Variants in RBFOX3 observed in about 807,000 individuals in gnomAD.
RBFOX3 encodes RNA binding fox-1 homolog 3, also known as RNA binding protein fox-1 homolog 3.
RBFOX3 carries 17 observed loss-of-function variants against 48.7 expected under a neutral mutation model. The observed-to-expected ratio is 0.35, with a 90% confidence interval of 0.24 to 0.52. RBFOX3 has a LOEUF of 0.52. Among genes scored for constraint, RBFOX3 ranks in the 20% least tolerant of loss-of-function variants. The pLI, the probability that RBFOX3 is intolerant of heterozygous loss-of-function variation, is 0.94. For missense variants in RBFOX3, 382 were observed against 497.5 expected, an observed-to-expected ratio of 0.77 and a Z score of 2.21; for synonymous variants, 212 against 209.5, an observed-to-expected ratio of 1.01 and a Z score of -0.10.
At chr17:79,414,020 G>A (rs1446419520) in intron 2 of RBFOX3, among the ~76,000 whole-genome samples, 2 of 152,094 alleles carry the variant, frequency 1.3e-5, no homozygotes, top group South Asian at 2.1e-4. Context: ...CCAGGCAGAG[G>A]GGACCCAGCT....
intron 4 of RBFOX3, among the ~76,000 whole-genome samples, chr17:79,190,440 C>CTATAACAAAA (rs1024817953): frequency 7.8e-6 from 1 of 128,136 alleles, no homozygotes; most frequent in Non-Finnish European, 1.7e-5. Flanking sequence ...AACAAAAAAA[C>CTATAACAAAA]AGAGTGAAGA....
At chr17:79,653,956 T>G in the RBFOX3 span, among the ~76,000 whole-genome samples, 1 of 151,884 alleles carries the variant, frequency 6.6e-6, no homozygotes, top group East Asian at 1.9e-4. Flanking sequence ...GCACCTGTAC[T>G]GGAAAGTCTC....
rs74002523 is a variant in RBFOX3, at chr17:79,455,579, G to A, written c.-175+26875C>T. Among the ~76,000 whole-genome samples, 1,429 of 152,208 alleles carry A rather than the reference G, an allele frequency of 9.4e-3. 21 individuals are homozygous for A. Among genetic ancestry groups the A allele is most frequent in the African/African-American group, 0.033 (1,362 of 41,510 alleles). ...AAAGGGGGAGGCCAGGCACACGGGTGTGTGCACACACACACACGCACGCAG... is the reference window on the plus strand; with the variant it reads ...AAAGGGGGAGGCCAGGCACACGGGTATGTGCACACACACACACGCACGCAG... On this transcript the variant is annotated intron_variant, in intron 2 of 14. Coordinates refer to ENST00000693108, the MANE Select transcript of RBFOX3 (RefSeq NM_001350451.2).
intron 4 of RBFOX3, among the ~76,000 whole-genome samples, chr17:79,187,643 T>A (rs1292379301): frequency 2.0e-5 from 3 of 151,892 alleles, no homozygotes; most frequent in Non-Finnish European, 2.9e-5. Flanking sequence ...GTGTGTGTGA[T>A]GGGGTGTGGG....
intron 1 of RBFOX3, among the ~76,000 whole-genome samples, chr17:79,546,530 ACGGC>A (rs1555791958): frequency 7.0e-6 from 1 of 142,324 alleles, no homozygotes; most frequent in East Asian, 1.9e-4. Flanking sequence ...CATCCATCTG[ACGGC>A]TTCCCAATGG....
chr17:79,152,167 G>A (rs2044672799), intron 4 of RBFOX3, among the ~76,000 whole-genome samples: 3 of 152,044 alleles, frequency 2.0e-5, no homozygotes, highest in Admixed American at 2.0e-4. Flanking sequence ...CCCAGGAGAG[G>A]GGCCAGGGTT....
At chr17:79,247,869 C>A (rs2063388214) in intron 3 of RBFOX3, among the ~76,000 whole-genome samples, 1 of 152,220 alleles carries the variant, frequency 6.6e-6, no homozygotes, top group Non-Finnish European at 1.5e-5. Flanking sequence ...TCAGTTTACT[C>A]CCCTGTAAAA....
At chr17:79,570,833 G>A (rs2092650784) in intron 1 of RBFOX3, among the ~76,000 whole-genome samples, 1 of 152,192 alleles carries the variant, frequency 6.6e-6, no homozygotes, top group African/African-American at 2.4e-5. Flanking sequence ...GAGTGGGCCT[G>A]TGGGCCGGGC....
chr17:79,329,274 T>C (rs1376988534), intron 2 of RBFOX3, among the ~76,000 whole-genome samples: 1 of 152,160 alleles, frequency 6.6e-6, no homozygotes, highest in Non-Finnish European at 1.5e-5. Context: ...CACGCCATTA[T>C]TACCATCATC....
At chr17:79,567,688 G>C (rs1161980096) in intron 1 of RBFOX3, among the ~76,000 whole-genome samples, 1 of 152,108 alleles carries the variant, frequency 6.6e-6, no homozygotes, top group Admixed American at 6.5e-5. Context: ...AATAAACTAG[G>C]TGACTCCTTG....
chr17:79,397,046 G>A (rs761196577), intron 2 of RBFOX3, among the ~76,000 whole-genome samples: 7 of 152,176 alleles, frequency 4.6e-5, no homozygotes, highest in Non-Finnish European at 8.8e-5. Flanking sequence ...TGTCTCAAGG[G>A]GTGGATTTGG....
At chr17:79,216,560 C>T (rs2059079768) in intron 4 of RBFOX3, among the ~76,000 whole-genome samples, 1 of 152,092 alleles carries the variant, frequency 6.6e-6, no homozygotes, top group South Asian at 2.1e-4. Context: ...CAGTCTCCTG[C>T]AGGAAGGAAG....
chr17:79,538,594 C>T (rs76293920), intron 1 of RBFOX3, among the ~76,000 whole-genome samples: 74 of 152,340 alleles, frequency 4.9e-4, no homozygotes, highest in East Asian at 2.5e-3. Context: ...GAATCATCCT[C>T]GCCAGCCCCT....
At position 79,443,185 on chromosome 17, in the gene RBFOX3, C is replaced by T. The variant is rs924470227; in HGVS notation, c.-175+39269G>A. Among the ~76,000 whole-genome samples, 16 of 152,216 alleles carry T rather than the reference C, an allele frequency of 1.1e-4. No homozygotes were observed. Among genetic ancestry groups the T allele is most frequent in the East Asian group, 5.8e-4 (3 of 5,192 alleles). ...GGGAACCCGAGGAAGTCAGATCAGC[C>T]GAAGGGGCCCAGCGTCCAGTCCAAT... is the stretch of plus-strand genomic sequence containing the variant. On this transcript the variant is annotated intron_variant, in intron 2 of 14. Coordinates refer to ENST00000693108, the MANE Select transcript of RBFOX3 (RefSeq NM_001350451.2). This position sits in a 1 kb window ranked among gnomAD's most constrained non-coding sequence, Gnocchi z 4.4.
intron 2 of RBFOX3, among the ~76,000 whole-genome samples, chr17:79,444,743 G>C (rs1301874085): frequency 2.6e-5 from 4 of 151,994 alleles, no homozygotes; most frequent in East Asian, 1.9e-4. Context: ...GCGTGCAGTA[G>C]AGAAGAGCCT....
chr17:79,186,654 A>G (rs1447257206), intron 4 of RBFOX3, among the ~76,000 whole-genome samples: 1 of 149,722 alleles, frequency 6.7e-6, no homozygotes, highest in African/African-American at 2.5e-5. Context: ...AAGAGCTGTC[A>G]CTCCAGTGCT....
upstream of RBFOX3, among the ~76,000 whole-genome samples, chr17:79,611,106 T>C (rs1316286886): frequency 1.7e-3 from 116 of 68,128 alleles, no homozygotes; most frequent in African/African-American, 3.7e-3. Flanking sequence ...TCTCTCTCTC[T>C]CCTCCCTCCT....
intron 2 of RBFOX3, among the ~76,000 whole-genome samples, chr17:79,468,580 A>C (rs1458879910): frequency 1.3e-5 from 2 of 150,754 alleles, no homozygotes; most frequent in Non-Finnish European, 3.0e-5. Flanking sequence ...GGATGGATGA[A>C]TGAATGAATG....
intron 3 of RBFOX3, among the ~76,000 whole-genome samples, chr17:79,283,350 CCT>C (rs1332657866): frequency 6.7e-6 from 1 of 149,582 alleles, no homozygotes. Flanking sequence ...CTCACTGCAA[CCT>C]CTGCCTCCTG....
Sources: gnomAD v4.1 joint callset for allele counts (sites outside exome capture counted in the v4.1 genomes callset) on GRCh38, gnomAD v4.1.1 for gene constraint, Gnocchi (gnomAD v3.1) non-coding constraint, MANE v1.5 for transcripts, NCBI Gene and HGNC (gene_info 2026-07-23, HGNC 2026-07-21) for gene names.